The following GCA variants were observed in gnomAD, a reference collection of about 807,000 sequenced individuals.
GCA encodes grancalcin, EF-hand calcium-binding protein.
In GCA, 30 loss-of-function variants were observed where a neutral mutation model predicts 32.6. The ratio of observed to expected loss-of-function variants is 0.92; its 90% CI spans 0.69 to 1.25. GCA has a LOEUF of 1.25. GCA is among the 50% of genes most tolerant of loss of function. The probability of loss-of-function intolerance (pLI) is 0.00; values close to 1 mark genes in which losing one functional copy is unlikely to be tolerated. For synonymous variants in GCA, 102 were observed against 84.6 expected, an observed-to-expected ratio of 1.21 and a Z score of -1.13; for missense variants, 291 against 266.8, an observed-to-expected ratio of 1.09 and a Z score of -0.63.
chr2:162,322,662 G>T (rs537505097), intron 1 of GCA, among the ~76,000 whole-genome samples: 2 of 147,928 alleles, frequency 1.4e-5, no homozygotes, highest in South Asian at 2.1e-4. Flanking sequence ...GCGGTGTTTG[G>T]TTTTTTGTTC....
chr2:162,373,189 AGGTT>A (rs1372530159), downstream of GCA, among the ~76,000 whole-genome samples: 33 of 152,278 alleles, frequency 2.2e-4, no homozygotes, highest in African/African-American at 7.7e-4. Flanking sequence ...AAATTTAAGC[AGGTT>A]GATTCTGGAA....
chr2:162,328,775 C>T (rs1683978740), intron 1 of GCA, among the ~76,000 whole-genome samples: 2 of 152,150 alleles, frequency 1.3e-5, no homozygotes, highest in Admixed American at 6.5e-5. Flanking sequence ...TGCGTTCTTG[C>T]CTTGGTGTAC....
chr2:162,347,700 T>C lies in GCA; in HGVS notation c.150T>C (p.Ala50=), dbSNP rs765343851. ...GPAYSDTYSS[A]GDSVYTYFSA... ...CATATTCAGACACTTATTCCTCAGC[T>C]GGTGACTCCGTGTATACTTACTTCA... Residue 50 remains alanine (A), a synonymous_variant, in exon 2 of 8, where the codon GCT becomes GCC. Coordinates refer to ENST00000437150, the MANE Select transcript of GCA (RefSeq NM_012198.5). 3.1e-6 allele frequency: 5 copies of C among 1,606,558 alleles called. No homozygotes were observed. The highest frequency in any genetic ancestry group is 4.3e-6 in the Non-Finnish European group (5 of 1,175,336).
chr2:162,341,384 A>G (rs1408128997), upstream of GCA, among the ~76,000 whole-genome samples: 4 of 150,244 alleles, frequency 2.7e-5, no homozygotes, highest in African/African-American at 9.8e-5. Flanking sequence ...TCATTCATAT[A>G]GTGGGAAAGA....
At chr2:162,342,598 G>T (rs1224875142), upstream of GCA, among the ~76,000 whole-genome samples, 1 of 152,182 alleles carries the variant, frequency 6.6e-6, no homozygotes, top group African/African-American at 2.4e-5. Context: ...GCCCTGGCAG[G>T]AAATACTATC....
In GCA at chr2:162,320,391, C is replaced by T. The variant is rs932662817; in HGVS notation, c.-31+1166C>T. On this transcript the variant is annotated intron_variant, in intron 1 of 4. Transcript: ENST00000429691. The stretch of plus-strand genomic sequence containing the variant: ...GCTGTTGCAAAAACATACTCCTATC[C>T]CCCAGCTGCCAGTGGGTTTTATTCA... Among the ~76,000 whole-genome samples the T allele has an allele frequency of 8.5e-5, 13 of 152,088 alleles. No individual in the cohort carries two copies. In the South Asian group the frequency reaches 2.7e-3, roughly 32 times the overall value.
At chr2:162,373,110 G>C (rs1686023063), downstream of GCA, among the ~76,000 whole-genome samples, 1 of 152,048 alleles carries the variant, frequency 6.6e-6, no homozygotes, top group Non-Finnish European at 1.5e-5. Context: ...TTGGGACCCA[G>C]ATTTTTCCTT....
chr2:162,343,889 C>A (rs944260086), upstream of GCA, among the ~76,000 whole-genome samples: 4 of 152,122 alleles, frequency 2.6e-5, no homozygotes, highest in Non-Finnish European at 5.9e-5. Flanking sequence ...GCAGCCAAGG[C>A]TTCTTCGGGA....
chr2:162,343,946 A>C (rs2105301068), upstream of GCA: 1 of 408,068 alleles, frequency 2.5e-6, no homozygotes, highest in East Asian at 3.9e-5. Flanking sequence ...GTAAGAGTCG[A>C]GCAGGGACTG....
downstream of GCA, among the ~76,000 whole-genome samples, chr2:162,374,555 G>T (rs916238066): frequency 1.1e-4 from 16 of 151,920 alleles, no homozygotes; most frequent in African/African-American, 3.6e-4. Context: ...TGACTGTTTT[G>T]CCTCTGAATA....
At chr2:162,346,494 A>T (rs1001339325) in intron 1 of GCA, 1 of 152,218 alleles carries the variant, frequency 6.6e-6, no homozygotes, top group Non-Finnish European at 1.5e-5. Context: ...TTTCACCTTC[A>T]TCTGGTAGAA....
At position 162,360,737 on chromosome 2, in the gene GCA, A is replaced by T; in HGVS notation, c.*494A>T. The T allele has an allele frequency of 7.1e-7, 1 of 1,398,870 alleles. No individual in the cohort carries two copies. 86.7% of individuals were successfully genotyped at this position (1,398,870 alleles called of 1,614,324 possible). On this transcript the variant is annotated 3_prime_UTR_variant, in exon 8 of 8. Coordinates refer to ENST00000437150, the MANE Select transcript of GCA (RefSeq NM_012198.5). Reference sequence around the variant, plus strand: ...TGTAATATAGTTTGTTCCTTGATCAAATAATCAGAGAAAAGAAACTTAAAG... The same window carrying T: ...TGTAATATAGTTTGTTCCTTGATCATATAATCAGAGAAAAGAAACTTAAAG...
intron 1 of GCA, among the ~76,000 whole-genome samples, chr2:162,347,215 G>T (rs2105313526): frequency 6.6e-6 from 1 of 152,052 alleles, no homozygotes; most frequent in East Asian, 1.9e-4. Context: ...TGTGTCTTGA[G>T]GTTTACTTCT....
At chr2:162,349,804 C>T (rs1684899479) in intron 2 of GCA, among the ~76,000 whole-genome samples, 2 of 152,082 alleles carry the variant, frequency 1.3e-5, no homozygotes, top group African/African-American at 4.8e-5. Flanking sequence ...TACTAATGGG[C>T]AGAAACAGAA....
At chr2:162,369,815 C>G (rs1180881738) in intron 4 of GCA, among the ~76,000 whole-genome samples, 1 of 152,096 alleles carries the variant, frequency 6.6e-6, no homozygotes, top group Non-Finnish European at 1.5e-5. Context: ...ATTTATAGGA[C>G]TTTCTCTTCC....
In GCA at chr2:162,344,289, G is replaced by A; in HGVS notation, c.27+14G>A. On this transcript the variant is annotated intron_variant, in intron 1 of 7. Coordinates refer to ENST00000437150, the MANE Select transcript of GCA (RefSeq NM_012198.5). ...TACGGAGGAGGGGTGAGTCCCAGCCGCTTGGTCGTGTCCCTCTTCCTCGCG... is the reference window on the plus strand; with the variant it reads ...TACGGAGGAGGGGTGAGTCCCAGCCACTTGGTCGTGTCCCTCTTCCTCGCG... The A allele has an allele frequency of 6.2e-7, 1 of 1,612,978 alleles. No individual in the cohort carries two copies. The highest frequency in any genetic ancestry group is 8.5e-7 in the Non-Finnish European group (1 of 1,179,366).
chr2:162,365,073 C>T (rs1052371495), downstream of GCA, among the ~76,000 whole-genome samples: 4 of 151,460 alleles, frequency 2.6e-5, no homozygotes, highest in Non-Finnish European at 5.9e-5. Flanking sequence ...ACCACCATGC[C>T]TATATCTAGT....
chr2:162,365,668 G>A (rs1293837776), downstream of GCA, among the ~76,000 whole-genome samples: 1 of 151,468 alleles, frequency 6.6e-6, no homozygotes, highest in Non-Finnish European at 1.5e-5. Flanking sequence ...TATTTAACTG[G>A]TAAACATTCT....
At position 162,360,520 on chromosome 2, in the gene GCA, T is replaced by C. The variant is rs1254732715; in HGVS notation, c.*277T>C. 4.1e-6 allele frequency: 4 copies of C among 975,678 alleles called. No homozygotes were observed. The African/African-American group carries it at 5.1e-5, about 12-fold the overall frequency. 60.4% of individuals were successfully genotyped at this position (975,678 alleles called of 1,614,324 possible). ...AATTGATTTAAATAATGCTTAGCCT[T>C]AATTTTAGATAATGTAAATTTAGAG... On this transcript the variant is annotated 3_prime_UTR_variant, in exon 8 of 8. Coordinates refer to ENST00000437150, the MANE Select transcript of GCA (RefSeq NM_012198.5).
Sources: allele counts gnomAD v4.1 joint callset (sites outside exome capture counted in the v4.1 genomes callset), GRCh38; gene constraint gnomAD v4.1.1; transcripts MANE v1.5; gene names NCBI Gene and HGNC (gene_info 2026-07-23, HGNC 2026-07-21).